The following APBA1 variants were observed in gnomAD, a reference collection of about 807,000 sequenced individuals.
APBA1 encodes amyloid-beta A4 precursor protein-binding family A member 1.
APBA1 carries 55 observed loss-of-function variants against 86.6 expected under a neutral mutation model. The observed-to-expected ratio is 0.64, with a 90% CI of 0.51 to 0.80. APBA1 has a LOEUF of 0.80. Among genes scored for constraint, APBA1 ranks in the 30% least tolerant of loss-of-function variants. The pLI, the probability that APBA1 is intolerant of heterozygous loss-of-function variation, is 0.00. For synonymous variants in APBA1, 511 were observed against 493.9 expected (o/e 1.03, Z -0.46); for missense variants, 1,090 against 1,183.0 (o/e 0.92, Z 1.15).
Position 69,451,904 on chromosome 9 carries a change from G to A in APBA1, c.1968+218C>T, listed in dbSNP as rs117940822. On this transcript the variant is annotated intron_variant, in intron 9 of 12. Transcript: ENST00000265381. The stretch of plus-strand genomic sequence containing the variant: ...TTAGCTCAGGATGACCAGGAGCAGA[G>A]GATGTGCTGCCTCTCTGTTTACACC... Among the ~76,000 whole-genome samples, 411 of 152,312 alleles carry A rather than the reference G, an allele frequency of 2.7e-3. 2 individuals carry two copies. The highest frequency in any genetic ancestry group is 4.9e-3 in the Non-Finnish European group (334 of 68,032).
chr9:69,658,338 C>G (rs1564105140), intron 1 of APBA1, among the ~76,000 whole-genome samples: 1 of 140,150 alleles, frequency 7.1e-6, no homozygotes, highest in African/African-American at 2.7e-5. Flanking sequence ...TTCTTTCTTT[C>G]TTTCTTTCTT....
At position 69,517,250 on chromosome 9, in the gene APBA1, C is replaced by G. The variant is rs1288737129; in HGVS notation, c.-40G>C. 17 of 1,424,036 alleles carry G rather than the reference C, an allele frequency of 1.2e-5. No homozygotes were observed. In the Admixed American group the frequency reaches 4.0e-4, roughly 34 times the overall value. The allele number at this position is 1,424,036 out of a possible 1,614,324, so 88.2% of individuals were successfully genotyped here. On this transcript the variant is annotated 5_prime_UTR_variant, in exon 2 of 13. Transcript: ENST00000265381. The stretch of plus-strand genomic sequence containing the variant: ...CGGCTAGGAGAGAAGCTGGGCCCGG[C>G]TCACTGCGCTCTCATTTTGCTCCAC...
intron 1 of APBA1, among the ~76,000 whole-genome samples, chr9:69,550,325 T>C (rs1836765300): frequency 6.6e-6 from 1 of 152,202 alleles, no homozygotes; most frequent in South Asian, 2.1e-4. Context: ...TCTTCCTCCT[T>C]TCCTTTTAAA....
intron 1 of APBA1, among the ~76,000 whole-genome samples, chr9:69,631,247 A>G (rs930691292): frequency 2.6e-5 from 4 of 152,218 alleles, no homozygotes; most frequent in Non-Finnish European, 5.9e-5. Context: ...TGGGCAAAGG[A>G]TATGAACAGA....
chr9:69,536,964 G>A (rs1474612570), intron 1 of APBA1, among the ~76,000 whole-genome samples: 2 of 149,842 alleles, frequency 1.3e-5, no homozygotes, highest in African/African-American at 4.9e-5. Context: ...CAATCTGCAC[G>A]CCTCTCCTGA....
intron 10 of APBA1, among the ~76,000 whole-genome samples, 181 bp from the exon 11 acceptor site, chr9:69,441,296 G>C (rs1834819225): frequency 6.6e-6 from 1 of 152,212 alleles, no homozygotes; most frequent in Non-Finnish European, 1.5e-5. Context: ...CACCTACCCA[G>C]GGCTAAGACG....
intron 1 of APBA1, among the ~76,000 whole-genome samples, chr9:69,596,209 A>G (rs981159387): frequency 3.3e-5 from 5 of 150,662 alleles, no homozygotes; most frequent in South Asian, 2.1e-4. Flanking sequence ...CTGGCATTGA[A>G]CTCCTGGGCT....
At chr9:69,523,900 T>A in intron 1 of APBA1, among the ~76,000 whole-genome samples, 1 of 151,990 alleles carries the variant, frequency 6.6e-6, no homozygotes, top group Non-Finnish European at 1.5e-5. Flanking sequence ...TGGATCACAA[T>A]GGAATAAAAT....
chr9:69,646,875 T>C (rs1823399668), intron 1 of APBA1, among the ~76,000 whole-genome samples: 1 of 152,324 alleles, frequency 6.6e-6, no homozygotes, highest in East Asian at 1.9e-4. Flanking sequence ...CCAAAGGAAC[T>C]GTGATTAACA....
chr9:69,497,815 C>T (rs535071094), intron 2 of APBA1, among the ~76,000 whole-genome samples: 2 of 152,120 alleles, frequency 1.3e-5, no homozygotes, highest in African/African-American at 4.8e-5. Context: ...CATCGTCCAT[C>T]GGTCACTTCG....
chr9:69,433,289 C>T (rs1021115923), intron 11 of APBA1, among the ~76,000 whole-genome samples: 4 of 152,210 alleles, frequency 2.6e-5, no homozygotes, highest in African/African-American at 7.2e-5. Flanking sequence ...AGGTTGCAGG[C>T]GGGGCTGATG....
intron 11 of APBA1, among the ~76,000 whole-genome samples, chr9:69,434,400 G>A (rs367856024): frequency 6.6e-6 from 1 of 151,164 alleles, no homozygotes; most frequent in South Asian, 2.1e-4. Flanking sequence ...TTCCTTCAGG[G>A]AACAAACTGG....
rs1836163274 is a variant in APBA1 at position 69,516,773 on chromosome 9, C to A, written c.438G>T (p.Leu146=). The change falls in exon 2 of 13, where the codon CTG becomes CTT. Residue 146 remains leucine (L), a synonymous_variant. Coordinates refer to ENST00000265381, the MANE Select transcript of APBA1 (RefSeq NM_001163.4). The surrounding 1 kb of genome is among the most constrained non-coding windows in gnomAD (Gnocchi z 7.3). ...EHAEATHRRA[L]PNHLHFHSLE... ...GCGAGTGGAAGTGCAGGTGGTTGGG[C>A]AGCGCGCGGCGGTGCGTGGCCTCGG... The A allele has an allele frequency of 6.2e-7, 1 of 1,611,414 alleles. No individual in the cohort carries two copies. The highest frequency in any genetic ancestry group is 1.7e-5 in the Admixed American group (1 of 59,982).
At chr9:69,468,403 T>A (rs1039728283) in intron 4 of APBA1, among the ~76,000 whole-genome samples, 1 of 139,956 alleles carries the variant, frequency 7.1e-6, no homozygotes, top group African/African-American at 2.9e-5. Flanking sequence ...TTAGAAAAGC[T>A]TTTTACAGCA....
chr9:69,556,331 C>T (rs1008163775), intron 1 of APBA1, among the ~76,000 whole-genome samples: 1 of 152,086 alleles, frequency 6.6e-6, no homozygotes, highest in Non-Finnish European at 1.5e-5. Flanking sequence ...TTTGTTCAGT[C>T]CACACTAAAG....
chr9:69,439,972 C>G (rs530912363), intron 11 of APBA1, among the ~76,000 whole-genome samples: 2 of 152,244 alleles, frequency 1.3e-5, no homozygotes, highest in Admixed American at 1.3e-4. Context: ...GTTTGGATGT[C>G]CTTTCTGTTT....
intron 1 of APBA1, among the ~76,000 whole-genome samples, chr9:69,562,426 G>T (rs1048979175): frequency 1.3e-5 from 2 of 151,284 alleles, no homozygotes; most frequent in Non-Finnish European, 1.5e-5. Context: ...CCAGGCTGGA[G>T]TGCAGTGGCA....
chr9:69,486,851 A>T (rs1022503354), intron 2 of APBA1, among the ~76,000 whole-genome samples: 6 of 148,128 alleles, frequency 4.1e-5, no homozygotes, highest in Admixed American at 2.7e-4. Flanking sequence ...GGGAGTAGAT[A>T]TTTTTTTTTT....
intron 1 of APBA1, among the ~76,000 whole-genome samples, chr9:69,577,210 T>C (rs1247811960): frequency 1.3e-5 from 2 of 152,220 alleles, no homozygotes; most frequent in Non-Finnish European, 2.9e-5. Flanking sequence ...TATAGAAGAC[T>C]AGAATTTACT....
Sources: allele counts gnomAD v4.1 joint callset (sites outside exome capture counted in the v4.1 genomes callset), GRCh38; gene constraint gnomAD v4.1.1; non-coding constraint Gnocchi (gnomAD v3.1); transcripts MANE v1.5; gene names NCBI Gene and HGNC (gene_info 2026-07-23, HGNC 2026-07-21).